The following OGN variants were observed in gnomAD, a reference collection of about 807,000 sequenced individuals.
OGN encodes osteoglycin, also known as mimecan.
A neutral mutation model predicts 30.8 loss-of-function variants in OGN; 19 were observed. The observed-to-expected ratio is 0.62, with a 90% CI of 0.43 to 0.90. OGN has a LOEUF of 0.90. OGN is among the 40% of genes least tolerant of loss of function. The pLI is 0.00. For synonymous variants in OGN, 126 were observed against 128.3 expected, an observed-to-expected ratio of 0.98 and a Z score of 0.12; for missense variants, 283 against 349.7, an observed-to-expected ratio of 0.81 and a Z score of 1.52.
intron 3 of OGN, among the ~76,000 whole-genome samples, chr9:92,400,307 G>A (rs1003078005): frequency 6.6e-6 from 1 of 151,954 alleles, no homozygotes; most frequent in Non-Finnish European, 1.5e-5. Flanking sequence ...CTGCCACCAC[G>A]CCTGGCTAAT....
chr9:92,385,541 T>C lies in OGN; in HGVS notation c.*79A>G. 8.1e-7 allele frequency: 1 copy of C among 1,227,282 alleles called. No homozygotes were observed. The highest frequency in any genetic ancestry group is 1.2e-6 in the Non-Finnish European group (1 of 862,716). 76.0% of individuals were successfully genotyped at this position (1,227,282 alleles called of 1,614,324 possible). On this transcript the variant is annotated 3_prime_UTR_variant, in exon 7 of 7. Transcript: ENST00000375561. ...AGATACAAGGTTAATATTAAACCAA[T>C]ACTTAAGTTCCTTTACTCATTGTTG...
chr9:92,386,942 G>A (rs531382608), intron 5 of OGN, among the ~76,000 whole-genome samples: 2 of 151,836 alleles, frequency 1.3e-5, no homozygotes, highest in South Asian at 4.2e-4. Flanking sequence ...CAGCTACTCG[G>A]GAGGCTGAGG....
intron 5 of OGN, among the ~76,000 whole-genome samples, chr9:92,387,344 C>T (rs1171148462): frequency 1.3e-5 from 2 of 150,686 alleles, no homozygotes; most frequent in Admixed American, 6.6e-5. Flanking sequence ...CCACTGCACT[C>T]CAGCCTGGGC....
chr9:92,386,650 T>G (rs186595671), intron 5 of OGN, among the ~76,000 whole-genome samples: 1 of 152,262 alleles, frequency 6.6e-6, no homozygotes, highest in African/African-American at 2.4e-5. Flanking sequence ...GGGATTGAAT[T>G]TTGACCCTGG....
At chr9:92,403,987 T>C (rs1843224461) in intron 1 of OGN, among the ~76,000 whole-genome samples, 1 of 152,218 alleles carries the variant, frequency 6.6e-6, no homozygotes, top group African/African-American at 2.4e-5. Context: ...GTTTTTAATT[T>C]TCTTAGTTTT....
At chr9:92,389,781 C>G in intron 5 of OGN, 73 bp downstream of exon 5, 1 of 989,326 alleles carries the variant, frequency 1.0e-6, no homozygotes. Context: ...AAATACAATT[C>G]TAGACCAAAG....
chr9:92,399,362 T>C (rs1295331703), intron 3 of OGN, among the ~76,000 whole-genome samples: 3 of 152,240 alleles, frequency 2.0e-5, no homozygotes, highest in Non-Finnish European at 4.4e-5. Flanking sequence ...ACTGTCATTT[T>C]TCCAGTGGAT....
At chr9:92,404,402 C>T in intron 1 of OGN, 94 bp downstream of exon 1, 1 of 771,832 alleles carries the variant, frequency 1.3e-6, no homozygotes, top group Non-Finnish European at 1.8e-6. Context: ...GAAACTTAAA[C>T]CAGAGATGGC....
intron 3 of OGN, among the ~76,000 whole-genome samples, chr9:92,396,121 AT>A (rs1049294922): frequency 6.6e-6 from 1 of 152,184 alleles, no homozygotes; most frequent in African/African-American, 2.4e-5. Context: ...TAAAAGGATT[AT>A]TCTTTCCCCA....
chr9:92,389,694 G>A, intron 5 of OGN, 160 bp downstream of exon 5: 1 of 554,510 alleles, frequency 1.8e-6, no homozygotes, highest in South Asian at 2.7e-5. Context: ...TAGGCTGAAT[G>A]AGCCTAATAG....
At chr9:92,393,556 C>T (rs1460991670) in intron 3 of OGN, among the ~76,000 whole-genome samples, 1 of 152,096 alleles carries the variant, frequency 6.6e-6, no homozygotes, top group African/African-American at 2.4e-5. Flanking sequence ...ATGAGCTTGA[C>T]TTATTAAGTT....
intron 2 of OGN, among the ~76,000 whole-genome samples, chr9:92,401,458 GT>G (rs1843108900): frequency 6.6e-6 from 1 of 152,158 alleles, no homozygotes; most frequent in African/African-American, 2.4e-5. Context: ...CTTAATAAAT[GT>G]TGAACATCCT....
chr9:92,390,145 A>T (rs1175130178), intron 4 of OGN, 89 bp from the exon 5 acceptor site: 13 of 758,836 alleles, frequency 1.7e-5, no homozygotes, highest in Non-Finnish European at 2.5e-5. Flanking sequence ...CAGATCACTC[A>T]AGCATCTTTC....
chr9:92,396,204 G>A (rs945466917), intron 3 of OGN, among the ~76,000 whole-genome samples: 3 of 152,040 alleles, frequency 2.0e-5, no homozygotes, highest in Admixed American at 2.0e-4. Flanking sequence ...ATTTTATTTT[G>A]TTCTGGTGAC....
At chr9:92,389,696 G>T in intron 5 of OGN, 158 bp downstream of exon 5, 1 of 568,876 alleles carries the variant, frequency 1.8e-6, no homozygotes, top group East Asian at 2.9e-5. Flanking sequence ...GGCTGAATGA[G>T]CCTAATAGGA....
chr9:92,399,458 G>C (rs10820971), intron 3 of OGN, among the ~76,000 whole-genome samples: 72,235 of 151,784 alleles, frequency 0.48, 20,710 homozygotes, highest in African/African-American at 0.81. Flanking sequence ...TATTATCTGT[G>C]AGCTCTTTAT....
chr9:92,388,723 T>C (rs1400777377), intron 5 of OGN, among the ~76,000 whole-genome samples: 1 of 150,998 alleles, frequency 6.6e-6, no homozygotes, highest in African/African-American at 2.4e-5. Flanking sequence ...TCCCAGCCAC[T>C]TGGGAGGCTG....
At chr9:92,393,055 A>C in intron 4 of OGN, 31 bp downstream of exon 4, 1 of 1,581,508 alleles carries the variant, frequency 6.3e-7, no homozygotes, top group Non-Finnish European at 8.7e-7. Context: ...AATACGAGTT[A>C]ATACTAATAT....
chr9:92,393,907 C>T (rs1372263021), intron 3 of OGN, among the ~76,000 whole-genome samples: 1 of 152,094 alleles, frequency 6.6e-6, no homozygotes, highest in African/African-American at 2.4e-5. Flanking sequence ...TGTCCAAAAG[C>T]ACATGATATC....
Sources: gnomAD v4.1 joint callset for allele counts (sites outside exome capture counted in the v4.1 genomes callset) on GRCh38, gnomAD v4.1.1 for gene constraint, MANE v1.5 for transcripts, NCBI Gene and HGNC (gene_info 2026-07-23, HGNC 2026-07-21) for gene names.